The following MARCHF10 variants were observed in gnomAD, a reference collection of about 807,000 sequenced individuals.
The protein encoded by MARCHF10 is probable E3 ubiquitin-protein ligase MARCHF10.
Under a neutral mutation model 76.2 loss-of-function variants are expected in MARCHF10, and 64 were observed. That is an observed-to-expected ratio of 0.84 (90% CI 0.69 to 1.03). MARCHF10 has a LOEUF of 1.03. Ranked by LOEUF, MARCHF10 falls within the 50% of genes least tolerant of loss-of-function variation. The pLI is 0.00. For missense variants in MARCHF10, 875 were observed against 958.0 expected (o/e 0.91, Z 1.14); for synonymous variants, 340 against 357.5 (o/e 0.95, Z 0.55).
chr17:62,733,708 T>C (rs1004744120), intron 6 of MARCHF10, among the ~76,000 whole-genome samples: 1 of 152,194 alleles, frequency 6.6e-6, no homozygotes, highest in African/African-American at 2.4e-5. Flanking sequence ...ATGGCTAAAT[T>C]GTGGTATATC....
intron 6 of MARCHF10, among the ~76,000 whole-genome samples, chr17:62,727,240 G>C (rs940674017): frequency 6.6e-6 from 1 of 152,172 alleles, no homozygotes; most frequent in Non-Finnish European, 1.5e-5. Context: ...CAAAGGTATA[G>C]GTGGGGATCC....
At position 62,738,059 on chromosome 17, in the gene MARCHF10, G is replaced by GACACACACACACACACAC. The variant is rs1386689991; in HGVS notation, c.536-728_536-727insGTGTGTGTGTGTGTGTGT. ...TAACTGTCTCTCTCTGTCTCTCTCTGTCACACACACACACACACACACACA... is the reference window on the plus strand; with the variant it reads ...TAACTGTCTCTCTCTGTCTCTCTCTGACACACACACACACACACTCACACACACACACACACACACACA... On this transcript the variant is annotated intron_variant, in intron 5 of 10. Transcript: ENST00000311269. The surrounding 1 kb of genome is among the most constrained non-coding windows in gnomAD (Gnocchi z 4.0). 4 of 20,168 alleles carry GACACACACACACACACAC rather than the reference G, an allele frequency of 2.0e-4. No individual in the cohort carries two copies. Among genetic ancestry groups the GACACACACACACACACAC allele is most frequent in the Non-Finnish European group, 3.9e-4 (4 of 10,368 alleles). 1.2% of individuals were successfully genotyped at this position (20,168 alleles called of 1,614,324 possible).
At chr17:62,746,947 C>T (rs760777401) in intron 4 of MARCHF10, 197 of 1,536,098 alleles carry the variant, frequency 1.3e-4, no homozygotes, top group Admixed American at 1.6e-4. Flanking sequence ...GGTCTGTTTC[C>T]GGTTTATTCC....
chr17:62,730,571 A>G (rs947530721), intron 6 of MARCHF10, among the ~76,000 whole-genome samples: 10 of 151,852 alleles, frequency 6.6e-5, no homozygotes, highest in Non-Finnish European at 5.9e-5. Context: ...TGTTATTTCT[A>G]TTTTCTGGAT....
At chr17:62,793,213 ACCACCT>A (rs2092904984) in intron 2 of MARCHF10, among the ~76,000 whole-genome samples, 2 of 107,086 alleles carry the variant, frequency 1.9e-5, no homozygotes, top group Non-Finnish European at 4.0e-5. Context: ...CACCACCACC[ACCACCT>A]CCACTGCCAC....
At chr17:62,782,992 T>C (rs2092685920) in intron 3 of MARCHF10, among the ~76,000 whole-genome samples, 1 of 152,066 alleles carries the variant, frequency 6.6e-6, no homozygotes, top group South Asian at 2.1e-4. Context: ...GTGGAAAATT[T>C]TGATTGTGTC....
At chr17:62,779,972 C>T (rs2092626603) in intron 3 of MARCHF10, among the ~76,000 whole-genome samples, 1 of 152,136 alleles carries the variant, frequency 6.6e-6, no homozygotes, top group South Asian at 2.1e-4. Flanking sequence ...TGGCGGGTGC[C>T]AGTAATCCCA....
chr17:62,756,192 A>G (rs8079883), intron 4 of MARCHF10, among the ~76,000 whole-genome samples: 79,338 of 151,716 alleles, frequency 0.52, 21,588 homozygotes, highest in East Asian at 0.7. Flanking sequence ...AGGTTGCCGT[A>G]AGCCGAGATC....
At chr17:62,798,785 C>T (rs1024895728) in intron 2 of MARCHF10, among the ~76,000 whole-genome samples, 1 of 152,206 alleles carries the variant, frequency 6.6e-6, no homozygotes, top group Middle Eastern at 3.2e-3. Flanking sequence ...GAGACTTAAG[C>T]ACGTTCGTGG....
intron 9 of MARCHF10, among the ~76,000 whole-genome samples, chr17:62,709,245 C>T (rs1436858147): frequency 1.3e-5 from 2 of 152,086 alleles, no homozygotes; most frequent in Non-Finnish European, 2.9e-5. Context: ...TTTGGGAGGC[C>T]AAGGCAGGTG....
intron 2 of MARCHF10, among the ~76,000 whole-genome samples, chr17:62,797,588 A>C (rs897534707): frequency 6.6e-6 from 1 of 152,074 alleles, no homozygotes; most frequent in African/African-American, 2.4e-5. Flanking sequence ...GATCCTCACC[A>C]CCTTTGCCCA....
At chr17:62,704,946 G>GTGTTTTTT in intron 10 of MARCHF10, 12 of 837,080 alleles carry the variant, frequency 1.4e-5, no homozygotes, top group Non-Finnish European at 1.7e-5. Flanking sequence ...TTCTCCAGTC[G>GTGTTTTTT]TTTTTTTTTT....
intron 8 of MARCHF10, among the ~76,000 whole-genome samples, chr17:62,720,630 T>C (rs1267268396): frequency 6.6e-6 from 1 of 152,284 alleles, no homozygotes; most frequent in Admixed American, 6.5e-5. Context: ...GCTGGAAGCA[T>C]GAAGGAATTT....
At chr17:62,766,950 G>C (rs1266661437) in intron 3 of MARCHF10, among the ~76,000 whole-genome samples, 1 of 152,218 alleles carries the variant, frequency 6.6e-6, no homozygotes, top group Non-Finnish European at 1.5e-5. Context: ...GGGAAAAGGT[G>C]AAAGGTCAAG....
chr17:62,723,559 C>CTTTTTTGTTTTTTTTTTTTTTTT (rs2090599834), intron 7 of MARCHF10, among the ~76,000 whole-genome samples: 1 of 80,370 alleles, frequency 1.2e-5, no homozygotes. Flanking sequence ...GTTCGCTTGA[C>CTTTTTTGTTTTTTTTTTTTTTTT]TTTTTTTTTT....
chr17:62,737,860 C>T (rs1431788377), intron 5 of MARCHF10: 1 of 152,648 alleles, frequency 6.6e-6, no homozygotes, highest in African/African-American at 2.4e-5. Context: ...GCCCGGGGAA[C>T]ACTGGGGATT....
chr17:62,788,580 T>G lies in MARCHF10; in HGVS notation c.110A>C (p.Glu37Ala). Residue 37 changes from glutamate (E) to alanine (A), a missense_variant, in exon 3 of 11, where the codon GAA (glutamate) becomes GCA (alanine). By Grantham distance (107) the Glu-to-Ala change is moderately radical. Coordinates refer to ENST00000311269, the MANE Select transcript of MARCHF10 (RefSeq NM_152598.4). Reference protein sequence around the residue: ...SEYQACLRRQEYRRDPNEKKR... With the variant: ...SEYQACLRRQAYRRDPNEKKR... ...CTTCTCATTTGGGTCTCTTCTATAT[T>G]CCTGTCGTCTCAGACAAGCCTGAAG... 6.2e-7 allele frequency: 1 copy of G among 1,614,140 alleles called. No individual in the cohort carries two copies. The highest frequency in any genetic ancestry group is 1.1e-5 in the South Asian group (1 of 91,072).
intron 3 of MARCHF10, among the ~76,000 whole-genome samples, chr17:62,788,065 T>C (rs1209209689): frequency 6.6e-6 from 1 of 152,200 alleles, no homozygotes; most frequent in African/African-American, 2.4e-5. Context: ...TCTTCCTTCA[T>C]CAGAAATAAA....
chr17:62,766,683 G>C (rs1263037757), intron 3 of MARCHF10, among the ~76,000 whole-genome samples: 1 of 152,056 alleles, frequency 6.6e-6, no homozygotes, highest in Non-Finnish European at 1.5e-5. Flanking sequence ...CAACACCAGG[G>C]GGCTTGGCCA....
Sources: gnomAD v4.1 joint callset for allele counts (sites outside exome capture counted in the v4.1 genomes callset) on GRCh38, gnomAD v4.1.1 for gene constraint, Gnocchi (gnomAD v3.1) non-coding constraint, MANE v1.5 for transcripts, NCBI Gene and HGNC (gene_info 2026-07-23, HGNC 2026-07-21) for gene names.